GRIK2: variants seen among roughly 807,000 people sequenced by gnomAD.
The protein encoded by GRIK2 is glutamate ionotropic receptor kainate type subunit 2, also known as glutamate receptor ionotropic, kainate 2.
GRIK2 carries 32 observed loss-of-function variants against 100.3 expected under a neutral mutation model. The ratio of observed to expected loss-of-function variants is 0.32; its 90% CI spans 0.24 to 0.43. The LOEUF (loss-of-function observed/expected upper bound fraction) is 0.43. Ranked by LOEUF, GRIK2 falls within the 20% of genes least tolerant of loss-of-function variation. The pLI is 1.00. For synonymous variants in GRIK2, 417 were observed against 389.4 expected (o/e 1.07, Z -0.83); for missense variants, 843 against 1,114.9 (o/e 0.76, Z 3.47).
At chr6:101,483,592 TGG>T (rs1380755974) in intron 2 of GRIK2, among the ~76,000 whole-genome samples, 3 of 152,218 alleles carry the variant, frequency 2.0e-5, no homozygotes. Context: ...TGTATTTATT[TGG>T]GATAGAGTCT....
chr6:101,831,167 C>T (rs1385778618), intron 10 of GRIK2, among the ~76,000 whole-genome samples: 2 of 151,870 alleles, frequency 1.3e-5, no homozygotes, highest in African/African-American at 4.8e-5. Flanking sequence ...ATAGTTATTC[C>T]TTTTATATGT....
At chr6:101,946,605 T>C (rs1354130966) in intron 14 of GRIK2, among the ~76,000 whole-genome samples, 2 of 152,096 alleles carry the variant, frequency 1.3e-5, no homozygotes, top group Non-Finnish European at 2.9e-5. Context: ...AACTATCTAA[T>C]CATTGAATTA....
At chr6:101,430,945 GA>G in intron 2 of GRIK2, 3 of 316,368 alleles carry the variant, frequency 9.5e-6, no homozygotes, top group Middle Eastern at 1.1e-3. Flanking sequence ...ATGGCCTAGG[GA>G]AAGGCATAGC....
At chr6:102,002,878 GTTATA>G (rs1335017803) in intron 14 of GRIK2, among the ~76,000 whole-genome samples, 1 of 148,028 alleles carries the variant, frequency 6.8e-6, no homozygotes, top group Non-Finnish European at 1.5e-5. Context: ...ATTTATACTT[GTTATA>G]TTCTATTCAT....
rs149860252 is a variant in GRIK2 at position 101,688,654 on chromosome 6, G to A, written c.951+2301G>A. 2.5e-3 allele frequency among the ~76,000 whole-genome samples: 381 copies of A among 151,954 alleles called. 6 individuals are homozygous for A. Among genetic ancestry groups the A allele is most frequent in the African/African-American group, 8.9e-3 (369 of 41,524 alleles). ...CTTGGAAGGGGAAAAATGTTAAAAT[G>A]AAAATGGACTGATGAAAAAATGTGT... On this transcript the variant is annotated intron_variant, in intron 7 of 16. Transcript: ENST00000369134.
intron 2 of GRIK2, among the ~76,000 whole-genome samples, chr6:101,437,779 G>A (rs961288650): frequency 6.6e-6 from 1 of 152,052 alleles, no homozygotes; most frequent in Non-Finnish European, 1.5e-5. Context: ...GAGAGATACA[G>A]GGTTATTGTA....
In GRIK2 at chr6:101,802,321, A is replaced by G. The variant is rs748204672; in HGVS notation, c.1096-10A>G. On this transcript the variant is annotated splice_polypyrimidine_tract_variant and intron_variant, in intron 8 of 16. Transcript: ENST00000369134. ...ACTTATTTATTATCAATGTTTTTCT[A>G]TTCCCATAGGCACATTGGGAAGGCC... 2 of 1,206,548 alleles carry G rather than the reference A, an allele frequency of 1.7e-6. No individual in the cohort carries two copies. The highest frequency in any genetic ancestry group is 1.5e-5 in the African/African-American group (1 of 65,052). The allele number at this position is 1,206,548 out of a possible 1,614,324, so 74.7% of individuals were successfully genotyped here.
intron 10 of GRIK2, among the ~76,000 whole-genome samples, chr6:101,853,976 A>G (rs1784279989): frequency 6.6e-6 from 1 of 152,138 alleles, no homozygotes; most frequent in African/African-American, 2.4e-5. Flanking sequence ...GGGCATTGAA[A>G]CTATTTTGTA....
At chr6:101,493,582 A>G (rs1773256406) in intron 2 of GRIK2, among the ~76,000 whole-genome samples, 1 of 152,052 alleles carries the variant, frequency 6.6e-6, no homozygotes, top group East Asian at 1.9e-4. Context: ...TTACTAATCA[A>G]TAAATCATCA....
chr6:101,761,468 C>G (rs1011536736), intron 7 of GRIK2, among the ~76,000 whole-genome samples: 1 of 152,012 alleles, frequency 6.6e-6, no homozygotes, highest in African/African-American at 2.4e-5. Context: ...GTGGCCCCAC[C>G]CCTTCATTTC....
At chr6:101,936,268 T>C (rs1241824892) in intron 14 of GRIK2, among the ~76,000 whole-genome samples, 1 of 152,090 alleles carries the variant, frequency 6.6e-6, no homozygotes, top group Non-Finnish European at 1.5e-5. Context: ...TAAAGATTTT[T>C]ATAGTCATAT....
At chr6:101,602,065 T>A (rs531573216) in intron 2 of GRIK2, among the ~76,000 whole-genome samples, 1 of 151,862 alleles carries the variant, frequency 6.6e-6, no homozygotes, top group South Asian at 2.1e-4. Context: ...TTTAGCACCA[T>A]AAACTTTAGT....
intron 11 of GRIK2, among the ~76,000 whole-genome samples, chr6:101,868,224 A>G (rs1376447425): frequency 6.6e-6 from 1 of 151,496 alleles, no homozygotes; most frequent in Non-Finnish European, 1.5e-5. Context: ...AAAAAGCTTC[A>G]ATGTCTTCTT....
chr6:101,525,651 G>A lies in GRIK2; in HGVS notation c.116-96298G>A, dbSNP rs1004569326. On this transcript the variant is annotated intron_variant, in intron 2 of 16. Coordinates refer to ENST00000369134, the MANE Select transcript of GRIK2 (RefSeq NM_021956.5). The stretch of plus-strand genomic sequence containing the variant: ...AAATCATTCATATAGTTTTATACTT[G>A]GGTTTTAATTTCCTTATGCGTTAGG... 2.6e-5 allele frequency among the ~76,000 whole-genome samples: 4 copies of A among 152,230 alleles called. No individual in the cohort carries two copies. In the East Asian group the frequency reaches 5.8e-4, roughly 22 times the overall value.
At chr6:101,659,656 G>C (rs1361258399) in intron 4 of GRIK2, among the ~76,000 whole-genome samples, 1 of 152,164 alleles carries the variant, frequency 6.6e-6, no homozygotes, top group African/African-American at 2.4e-5. Flanking sequence ...GCTCTTGTAA[G>C]ACAGGCCTAG....
intron 12 of GRIK2, among the ~76,000 whole-genome samples, chr6:101,890,953 G>A (rs1441934460): frequency 6.7e-6 from 1 of 148,752 alleles, no homozygotes; most frequent in Non-Finnish European, 1.5e-5. Context: ...TTTTCATGGA[G>A]ATAAAAATAC....
intron 2 of GRIK2, among the ~76,000 whole-genome samples, chr6:101,453,542 T>C (rs1770828688): frequency 6.6e-6 from 1 of 151,984 alleles, no homozygotes; most frequent in Non-Finnish European, 1.5e-5. Context: ...GGCCAAAAAA[T>C]GTGCTTGAAC....
chr6:101,666,220 A>C (rs1770019367), intron 4 of GRIK2, among the ~76,000 whole-genome samples: 1 of 152,174 alleles, frequency 6.6e-6, no homozygotes, highest in Non-Finnish European at 1.5e-5. Flanking sequence ...CAACGGAAGG[A>C]GTGCATAGGG....
chr6:101,519,363 ACTC>A (rs1387238537), intron 2 of GRIK2, among the ~76,000 whole-genome samples: 1 of 146,198 alleles, frequency 6.8e-6, no homozygotes, highest in Non-Finnish European at 1.5e-5. Context: ...TGGTGATACT[ACTC>A]TATCTCAGGC....
Sources: allele counts gnomAD v4.1 joint callset (sites outside exome capture counted in the v4.1 genomes callset), GRCh38; gene constraint gnomAD v4.1.1; transcripts MANE v1.5; gene names NCBI Gene and HGNC (gene_info 2026-07-23, HGNC 2026-07-21).